The following SUPV3L1 variants were observed in gnomAD, a reference collection of about 807,000 sequenced individuals.
SUPV3L1 encodes Suv3 like RNA helicase.
SUPV3L1 carries 35 observed loss-of-function variants against 70.0 expected under a neutral mutation model. That is an observed-to-expected ratio of 0.50 (90% CI 0.38 to 0.66). SUPV3L1 has a LOEUF of 0.66. Among genes scored for constraint, SUPV3L1 ranks in the 30% least tolerant of loss-of-function variants. The pLI is 0.00. For missense variants in SUPV3L1, 777 were observed against 961.5 expected (o/e 0.81, Z 2.54); for synonymous variants, 364 against 341.9 (o/e 1.06, Z -0.71).
At chr10:69,206,557 T>C (rs547793110) in intron 13 of SUPV3L1, among the ~76,000 whole-genome samples, 1 of 152,318 alleles carries the variant, frequency 6.6e-6, no homozygotes, top group South Asian at 2.1e-4. Context: ...CAGCAGTGTC[T>C]TGTGGTTCAA....
intron 9 of SUPV3L1, 63 bp downstream of exon 9, chr10:69,198,615 A>T: frequency 6.7e-7 from 1 of 1,492,410 alleles, no homozygotes. Context: ...TTATGTTGAG[A>T]TATATATAAA....
intron 1 of SUPV3L1, among the ~76,000 whole-genome samples, chr10:69,183,403 G>A (rs544571705): frequency 7.9e-5 from 12 of 152,270 alleles, no homozygotes; most frequent in African/African-American, 2.6e-4. Context: ...ACTAGGCTGG[G>A]CGCAGTGTCT....
intron 10 of SUPV3L1, among the ~76,000 whole-genome samples, chr10:69,199,686 A>G (rs1328485761): frequency 1.3e-5 from 2 of 151,594 alleles, no homozygotes; most frequent in African/African-American, 2.4e-5. Flanking sequence ...CTCGGCCCAC[A>G]CTAGGACGTT....
At chr10:69,186,134 G>T in intron 2 of SUPV3L1, 70 bp downstream of exon 2, 1 of 1,325,248 alleles carries the variant, frequency 7.5e-7, no homozygotes, top group South Asian at 1.2e-5. Flanking sequence ...AGGACTGTAC[G>T]ACCCCTCATG....
At chr10:69,196,433 G>A (rs1033789244) in intron 7 of SUPV3L1, among the ~76,000 whole-genome samples, 2 of 151,806 alleles carry the variant, frequency 1.3e-5, no homozygotes, top group Non-Finnish European at 2.9e-5. Flanking sequence ...AGATATTGCA[G>A]TGAACCACAG....
intron 1 of SUPV3L1, among the ~76,000 whole-genome samples, chr10:69,185,398 A>G (rs973166800): frequency 2.0e-5 from 3 of 152,130 alleles, no homozygotes; most frequent in African/African-American, 4.8e-5. Context: ...CTCTCTACCT[A>G]TAAGTGGCCT....
intron 8 of SUPV3L1, 116 bp downstream of exon 8, chr10:69,197,199 C>T (rs1842566399): frequency 6.3e-6 from 5 of 788,740 alleles, no homozygotes; most frequent in Non-Finnish European, 1.1e-5. Flanking sequence ...AAAAAGAAAG[C>T]TTCATTTTCT....
chr10:69,205,464 T>A (rs1842800044), intron 13 of SUPV3L1, among the ~76,000 whole-genome samples: 1 of 152,180 alleles, frequency 6.6e-6, no homozygotes, highest in Admixed American at 6.5e-5. Flanking sequence ...AACCCCAAAC[T>A]CCTGGGCTCA....
Position 69,180,316 on chromosome 10 carries a change from T to C in SUPV3L1, c.25T>C (p.Trp9Arg). The change falls in exon 1 of 15, where the codon TGG (tryptophan) becomes CGG (arginine). Residue 9 changes from tryptophan (W) to arginine (R), a missense_variant. Coordinates refer to ENST00000359655, the MANE Select transcript of SUPV3L1 (RefSeq NM_003171.5). MSFSRALL[W>R]ARLPAGRQAG... ...GATGTCCTTCTCCCGTGCCCTATTG[T>C]GGGCTCGGCTCCCGGCGGGGCGCCA... is the stretch of plus-strand genomic sequence containing the variant. 1 of 1,613,912 alleles carries C rather than the reference T, an allele frequency of 6.2e-7. No homozygotes were observed. The highest frequency in any genetic ancestry group is 8.5e-7 in the Non-Finnish European group (1 of 1,179,962).
intron 4 of SUPV3L1, among the ~76,000 whole-genome samples, chr10:69,188,673 AT>A (rs1160705249): frequency 6.6e-6 from 1 of 151,680 alleles, no homozygotes; most frequent in Non-Finnish European, 1.5e-5. Context: ...TAATTTTTGT[AT>A]TTTTAATAGA....
chr10:69,198,255 A>C (rs1045288192), intron 8 of SUPV3L1, 117 bp from the exon 9 acceptor site: 1 of 816,190 alleles, frequency 1.2e-6, no homozygotes, highest in Admixed American at 2.8e-5. Flanking sequence ...TTTGAAAAAC[A>C]TTGGTACTTA....
intron 13 of SUPV3L1, among the ~76,000 whole-genome samples, chr10:69,205,006 A>G (rs1842787674): frequency 6.6e-6 from 1 of 152,164 alleles, no homozygotes; most frequent in South Asian, 2.1e-4. Flanking sequence ...CCTGAGCTCA[A>G]GCAGTCCACC....
chr10:69,190,554 AC>A lies in SUPV3L1; in HGVS notation c.742-1100del, dbSNP rs560419929. On this transcript the variant is annotated intron_variant, in intron 5 of 14. Transcript: ENST00000359655. ...CCACAGGATATTTGTCTGAAGCAGG[AC>A]ATTTAATATTGATAGATTACTCTTA... Among the ~76,000 whole-genome samples the A allele has an allele frequency of 3.5e-3, 531 of 152,334 alleles. 3 individuals carry two copies. Among genetic ancestry groups the A allele is most frequent in the African/African-American group, 0.012 (513 of 41,572 alleles).
chr10:69,184,501 C>T (rs10998627), intron 1 of SUPV3L1, among the ~76,000 whole-genome samples: 71,265 of 151,956 alleles, frequency 0.47, 19,071 homozygotes, highest in Middle Eastern at 0.73. Context: ...CGCCATTGCC[C>T]TCCAGCCTGG....
intron 5 of SUPV3L1, 35 bp from the exon 6 acceptor site, chr10:69,191,620 T>G: frequency 1.9e-6 from 3 of 1,572,536 alleles, no homozygotes; most frequent in Non-Finnish European, 2.6e-6. Flanking sequence ...TTTGCATTAT[T>G]TTCAATAATT....
chr10:69,180,432 C>T lies in SUPV3L1; in HGVS notation c.141C>T (p.Thr47=), dbSNP rs755086665. Residue 47 remains threonine (T), a synonymous_variant, in exon 1 of 15, where the codon ACC becomes ACT. Transcript: ENST00000359655. ...GVLGQVSVLA[T]ASSSASGGSK... ...TGGGGCAAGTTTCTGTCCTTGCCAC[C>T]GCCTCCTCCTCTGCCTCCGGTGGCT... 9 of 1,614,144 alleles carry T rather than the reference C, an allele frequency of 5.6e-6. No homozygotes were observed. The highest frequency in any genetic ancestry group is 7.6e-6 in the Non-Finnish European group (9 of 1,180,050).
intron 1 of SUPV3L1, among the ~76,000 whole-genome samples, chr10:69,181,999 C>A (rs1445374295): frequency 9.5e-5 from 13 of 137,424 alleles, no homozygotes; most frequent in African/African-American, 2.9e-4. Flanking sequence ...TTTTTCTTTA[C>A]TTTTTTTTTT....
At position 69,191,339 on chromosome 10, in the gene SUPV3L1, C is replaced by A. The variant is rs573477324; in HGVS notation, c.742-316C>A. Among the ~76,000 whole-genome samples, 144 of 151,870 alleles carry A rather than the reference C, an allele frequency of 9.5e-4. No individual in the cohort carries two copies. In the Middle Eastern group the frequency reaches 0.01, roughly 11 times the overall value. On this transcript the variant is annotated intron_variant, in intron 5 of 14. Coordinates refer to ENST00000359655, the MANE Select transcript of SUPV3L1 (RefSeq NM_003171.5). ...CCATCTCTCAGTTCAAGTGATTCCC[C>A]TGCCTCAGCCTCCCGAGTAGCTGGG... is the stretch of plus-strand genomic sequence containing the variant.
rs377697836 is a variant in SUPV3L1, at chr10:69,195,272, G to A, written c.931+7G>A. On this transcript the variant is annotated splice_region_variant and intron_variant, in intron 7 of 14. Coordinates refer to ENST00000359655, the MANE Select transcript of SUPV3L1 (RefSeq NM_003171.5). The stretch of plus-strand genomic sequence containing the variant: ...TGGACCAGAGCACTTCTAGGTTGGT[G>A]GTCGTAATGCTATAAAACCCGTGCT... The A allele has an allele frequency of 2.8e-5, 45 of 1,596,858 alleles. No individual in the cohort carries two copies. Among genetic ancestry groups the A allele is most frequent in the Non-Finnish European group, 3.4e-5 (40 of 1,172,368 alleles).
Sources: allele counts gnomAD v4.1 joint callset (sites outside exome capture counted in the v4.1 genomes callset), GRCh38; gene constraint gnomAD v4.1.1; transcripts MANE v1.5; gene names NCBI Gene and HGNC (gene_info 2026-07-23, HGNC 2026-07-21).